The following SCLT1 variants were observed in gnomAD, a reference collection of about 807,000 sequenced individuals.
The protein encoded by SCLT1 is sodium channel-associated protein 1.
SCLT1 carries 78 observed loss-of-function variants against 112.8 expected under a neutral mutation model. That is an observed-to-expected ratio of 0.69 (90% CI 0.58 to 0.83). The LOEUF (loss-of-function observed/expected upper bound fraction) is 0.83. SCLT1 is among the 40% of genes least tolerant of loss of function. SCLT1 has a pLI of 0.00. For missense variants in SCLT1, 747 were observed against 770.4 expected (o/e 0.97, Z 0.36); for synonymous variants, 257 against 254.7 (o/e 1.01, Z -0.09).
intron 2 of SCLT1, among the ~76,000 whole-genome samples, chr4:129,049,491 A>C (rs1399509074): frequency 3.1e-5 from 2 of 64,650 alleles, no homozygotes; most frequent in African/African-American, 6.3e-5. Context: ...GGGTGGGGGG[A>C]GGGGGGAGGG....
intron 5 of SCLT1, chr4:128,874,200 T>C (rs1238504945): frequency 6.6e-6 from 1 of 152,640 alleles, no homozygotes; most frequent in Non-Finnish European, 1.5e-5. Context: ...AACCTTTTGC[T>C]GGATACAGGA....
chr4:128,880,199 A>T (rs1171404296), downstream of SCLT1, among the ~76,000 whole-genome samples: 1 of 152,224 alleles, frequency 6.6e-6, no homozygotes, highest in African/African-American at 2.4e-5. Context: ...TATGGGCCAG[A>T]TTAAAAACGG....
Position 128,953,561 on chromosome 4 carries a change from G to A in SCLT1, c.1147-721C>T, listed in dbSNP as rs946235443. Among the ~76,000 whole-genome samples, 34 of 152,150 alleles carry A rather than the reference G, an allele frequency of 2.2e-4. 1 individual carries two copies. The highest frequency in any genetic ancestry group is 7.7e-4 in the African/African-American group (32 of 41,522). The stretch of plus-strand genomic sequence containing the variant: ...ATAACTTCTAAGGTTTTGGGAGGCC[G>A]AGGTGGGCAGATCACGAGGTCAGGA... On this transcript the variant is annotated intron_variant, in intron 13 of 20. Coordinates refer to ENST00000281142, the MANE Select transcript of SCLT1 (RefSeq NM_144643.4).
intron 13 of SCLT1, among the ~76,000 whole-genome samples, chr4:128,953,748 G>T (rs1470974560): frequency 6.7e-6 from 1 of 148,754 alleles, no homozygotes; most frequent in Non-Finnish European, 1.5e-5. Flanking sequence ...GCAGTGAGCC[G>T]AGATGGCGCC....
At chr4:128,880,253 T>C (rs1386767177), downstream of SCLT1, among the ~76,000 whole-genome samples, 2 of 152,204 alleles carry the variant, frequency 1.3e-5, no homozygotes, top group African/African-American at 2.4e-5. Context: ...TTTTATCCAT[T>C]AAGGGAGTTG....
intron 18 of SCLT1, among the ~76,000 whole-genome samples, chr4:128,901,812 A>G (rs972958427): frequency 2.0e-5 from 3 of 152,192 alleles, no homozygotes; most frequent in African/African-American, 7.2e-5. Flanking sequence ...TAAGAGATTT[A>G]TCAATCCTGT....
At chr4:128,996,288 C>T (rs1743012836) in intron 8 of SCLT1, among the ~76,000 whole-genome samples, 1 of 152,060 alleles carries the variant, frequency 6.6e-6, no homozygotes, top group South Asian at 2.1e-4. Context: ...ATTGGTGTAT[C>T]TGTGGGGAGA....
intron 18 of SCLT1, among the ~76,000 whole-genome samples, chr4:128,927,681 A>G (rs1389265798): frequency 6.6e-6 from 1 of 152,102 alleles, no homozygotes; most frequent in Non-Finnish European, 1.5e-5. Context: ...TGAAGAATGC[A>G]TGCATTAGGT....
chr4:128,895,522 C>G (rs2125927822), intron 18 of SCLT1, among the ~76,000 whole-genome samples: 1 of 152,244 alleles, frequency 6.6e-6, no homozygotes, highest in African/African-American at 2.4e-5. Flanking sequence ...CATTACAATT[C>G]TGCCCATTCT....
intron 5 of SCLT1, among the ~76,000 whole-genome samples, chr4:129,017,320 A>G (rs1256590709): frequency 9.2e-5 from 14 of 152,142 alleles, no homozygotes; most frequent in Admixed American, 8.5e-4. Context: ...GAGTGTGTAT[A>G]AACAGAAATG....
intron 3 of SCLT1, among the ~76,000 whole-genome samples, chr4:128,876,935 C>T (rs558642747): frequency 7.2e-5 from 11 of 152,160 alleles, no homozygotes; most frequent in Non-Finnish European, 1.2e-4. Flanking sequence ...TTTAATATTG[C>T]CTTAATATTT....
At chr4:128,876,344 G>A (rs533297921) in intron 4 of SCLT1, among the ~76,000 whole-genome samples, 1 of 152,232 alleles carries the variant, frequency 6.6e-6, no homozygotes, top group Admixed American at 6.5e-5. Flanking sequence ...CTTCCTACAA[G>A]GTCTTAAAGT....
intron 13 of SCLT1, 48 bp from the exon 14 acceptor site, chr4:128,952,888 A>C (rs759971117): frequency 3.5e-5 from 32 of 910,756 alleles, no homozygotes; most frequent in Non-Finnish European, 5.6e-5. Context: ...AATAAAAATG[A>C]TTAATATCTG....
At chr4:129,013,046 T>C (rs1744678146) in intron 5 of SCLT1, among the ~76,000 whole-genome samples, 1 of 152,122 alleles carries the variant, frequency 6.6e-6, no homozygotes, top group Non-Finnish European at 1.5e-5. Flanking sequence ...CATAGGTAAA[T>C]GGATGTCACA....
At chr4:129,005,629 C>T (rs1486216740) in intron 5 of SCLT1, among the ~76,000 whole-genome samples, 1 of 152,010 alleles carries the variant, frequency 6.6e-6, no homozygotes, top group Non-Finnish European at 1.5e-5. Flanking sequence ...GGATCTAGAA[C>T]TAGAAATACC....
chr4:128,989,996 T>A (rs1742423853), intron 9 of SCLT1, among the ~76,000 whole-genome samples: 1 of 151,830 alleles, frequency 6.6e-6, no homozygotes, highest in East Asian at 1.9e-4. Context: ...GGACTTGATG[T>A]CTTCATTGCT....
At chr4:128,877,172 G>T (rs1184170015) in intron 3 of SCLT1, among the ~76,000 whole-genome samples, 2 of 152,286 alleles carry the variant, frequency 1.3e-5, no homozygotes, top group South Asian at 2.1e-4. Flanking sequence ...AATTACAAAG[G>T]TTTATCAAGT....
chr4:128,877,581 T>G (rs543089957), intron 3 of SCLT1, among the ~76,000 whole-genome samples: 1 of 152,170 alleles, frequency 6.6e-6, no homozygotes, highest in South Asian at 2.1e-4. Context: ...CTCAGGAGGC[T>G]GAGGCAAGAG....
chr4:129,048,375 G>A, intron 2 of SCLT1, among the ~76,000 whole-genome samples: 1 of 150,906 alleles, frequency 6.6e-6, no homozygotes. Flanking sequence ...ACAAGCAATG[G>A]GGAAAGGATT....
Sources: allele counts gnomAD v4.1 joint callset (sites outside exome capture counted in the v4.1 genomes callset), GRCh38; gene constraint gnomAD v4.1.1; transcripts MANE v1.5; gene names NCBI Gene and HGNC (gene_info 2026-07-23, HGNC 2026-07-21).